ANKS1B: variants seen among roughly 807,000 people sequenced by gnomAD.
ANKS1B encodes the protein ankyrin repeat and sterile alpha motif domain containing 1B.
Under a neutral mutation model 148.3 loss-of-function variants are expected in ANKS1B, and 36 were observed. The observed-to-expected ratio is 0.24, with a 90% CI of 0.19 to 0.32. The LOEUF (loss-of-function observed/expected upper bound fraction) is 0.32, where lower values mean the gene tolerates loss of function less well. Among genes scored for constraint, ANKS1B ranks in the 10% least tolerant of loss-of-function variants. The pLI, the probability that ANKS1B is intolerant of heterozygous loss-of-function variation, is 1.00. For missense variants in ANKS1B, 1,157 were observed against 1,542.6 expected, an observed-to-expected ratio of 0.75 and a Z score of 4.19; for synonymous variants, 542 against 560.8, an observed-to-expected ratio of 0.97 and a Z score of 0.47.
intron 10 of ANKS1B, among the ~76,000 whole-genome samples, chr12:99,456,924 C>T (rs1439291208): frequency 1.3e-5 from 2 of 152,052 alleles, no homozygotes; most frequent in East Asian, 1.9e-4. Flanking sequence ...TCAAAAAACA[C>T]CTGGGAAATT....
chr12:99,305,280 G>A (rs2082191213), intron 12 of ANKS1B, among the ~76,000 whole-genome samples: 1 of 151,970 alleles, frequency 6.6e-6, no homozygotes, highest in Non-Finnish European at 1.5e-5. Flanking sequence ...GAGATTTGGA[G>A]GGGTCAAACA....
At chr12:98,901,585 T>C (rs556937519) in intron 17 of ANKS1B, among the ~76,000 whole-genome samples, 1 of 152,354 alleles carries the variant, frequency 6.6e-6, no homozygotes, top group Non-Finnish European at 1.5e-5. Flanking sequence ...TGTGGAACTT[T>C]ACCTCCCAAT....
chr12:99,299,092 A>C (rs1451921240), intron 12 of ANKS1B, among the ~76,000 whole-genome samples: 1 of 150,068 alleles, frequency 6.7e-6, no homozygotes, highest in East Asian at 2.0e-4. Context: ...ATAGGGTCTC[A>C]CTCTGTCACC....
chr12:99,102,380 G>A (rs1043154261), intron 15 of ANKS1B, among the ~76,000 whole-genome samples: 2 of 151,946 alleles, frequency 1.3e-5, no homozygotes, highest in Non-Finnish European at 1.5e-5. Context: ...AGCACAGCTG[G>A]AGAAGGAACA....
At chr12:99,536,362 T>C (rs2097066582) in intron 9 of ANKS1B, among the ~76,000 whole-genome samples, 1 of 152,162 alleles carries the variant, frequency 6.6e-6, no homozygotes, top group Non-Finnish European at 1.5e-5. Flanking sequence ...ACTTTCCTCT[T>C]AATTTTGCTA....
At chr12:99,729,791 T>G (rs1233916743) in intron 8 of ANKS1B, among the ~76,000 whole-genome samples, 1 of 152,248 alleles carries the variant, frequency 6.6e-6, no homozygotes, top group Non-Finnish European at 1.5e-5. Flanking sequence ...TTGTTATTAT[T>G]TGTTTTTTGT....
intron 8 of ANKS1B, among the ~76,000 whole-genome samples, chr12:99,731,211 C>T (rs1376979362): frequency 2.0e-5 from 3 of 152,188 alleles, no homozygotes; most frequent in African/African-American, 7.2e-5. Flanking sequence ...CTCCGCCTCC[C>T]AGGCTCAAGC....
At chr12:99,376,068 T>C (rs1190529385) in intron 12 of ANKS1B, among the ~76,000 whole-genome samples, 1 of 152,222 alleles carries the variant, frequency 6.6e-6, no homozygotes, top group Non-Finnish European at 1.5e-5. Context: ...GACGAATACA[T>C]GAATTATCAA....
intron 17 of ANKS1B, among the ~76,000 whole-genome samples, chr12:99,052,730 G>A (rs1227796706): frequency 7.9e-5 from 1 of 12,602 alleles, no homozygotes; most frequent in Admixed American, 1.8e-3. Flanking sequence ...GCGAGACTCC[G>A]TCTCAAAAAA....
In ANKS1B at chr12:99,213,797, T is replaced by A. The variant is rs553000577; in HGVS notation, c.2419+30545A>T. On this transcript the variant is annotated intron_variant, in intron 14 of 26. Coordinates refer to ENST00000683438, the MANE Select transcript of ANKS1B (RefSeq NM_001352186.2). The stretch of plus-strand genomic sequence containing the variant: ...ACCATTATTTGCCAAATAGCAGTCA[T>A]CATAGTTGTTTCTGCCTTCACCTGA... 4.6e-5 allele frequency among the ~76,000 whole-genome samples: 7 copies of A among 152,340 alleles called. No homozygotes were observed. In the East Asian group the frequency reaches 1.3e-3, roughly 29 times the overall value.
intron 10 of ANKS1B, among the ~76,000 whole-genome samples, chr12:99,483,517 G>T (rs1164456284): frequency 1.3e-5 from 2 of 151,912 alleles, no homozygotes. Context: ...TTCATAGAAT[G>T]ATTTAGGAAG....
intron 25 of ANKS1B, among the ~76,000 whole-genome samples, chr12:98,755,745 G>A (rs541043770): frequency 6.6e-6 from 1 of 152,278 alleles, no homozygotes; most frequent in Admixed American, 6.5e-5. Context: ...CACAGAGACA[G>A]AAAGTTACAG....
chr12:99,108,314 T>C (rs1345647988), intron 15 of ANKS1B, among the ~76,000 whole-genome samples: 1 of 152,240 alleles, frequency 6.6e-6, no homozygotes, highest in Non-Finnish European at 1.5e-5. Flanking sequence ...TCTGTCCAAC[T>C]AGACTATGTA....
intron 11 of ANKS1B, among the ~76,000 whole-genome samples, chr12:99,409,659 TTAAAA>T (rs1314089435): frequency 6.6e-6 from 1 of 150,692 alleles, no homozygotes; most frequent in East Asian, 1.9e-4. Flanking sequence ...AAACTAAAAA[TTAAAA>T]TAAAAAAGAG....
intron 9 of ANKS1B, among the ~76,000 whole-genome samples, chr12:99,587,687 C>A (rs568790709): frequency 1.3e-5 from 2 of 152,220 alleles, no homozygotes; most frequent in East Asian, 1.9e-4. Context: ...TGCCTCAATA[C>A]AATTTAGGGG....
At chr12:99,219,734 G>T (rs1240105359) in intron 14 of ANKS1B, among the ~76,000 whole-genome samples, 1 of 152,150 alleles carries the variant, frequency 6.6e-6, no homozygotes, top group East Asian at 1.9e-4. Context: ...AGTCCCAGGG[G>T]TGTGCTGGGA....
intron 8 of ANKS1B, among the ~76,000 whole-genome samples, chr12:99,756,291 A>T (rs961777078): frequency 1.3e-5 from 2 of 151,126 alleles, no homozygotes; most frequent in African/African-American, 4.8e-5. Flanking sequence ...CATTCCTACA[A>T]CAGGCAAGTG....
intron 9 of ANKS1B, among the ~76,000 whole-genome samples, chr12:99,543,375 T>C (rs941525189): frequency 2.0e-5 from 3 of 152,112 alleles, no homozygotes; most frequent in Non-Finnish European, 2.9e-5. Flanking sequence ...GCTGGTGGTA[T>C]TGTAAAATAG....
rs911785396 is a variant in ANKS1B, at chr12:98,802,150, T to C, written c.3142-1025A>G. Among the ~76,000 whole-genome samples the C allele has an allele frequency of 2.6e-5, 4 of 152,334 alleles. No homozygotes were observed. In the East Asian group the frequency reaches 7.7e-4, roughly 29 times the overall value. ...TAGAGTGACTCTCCTCTAACCTAGA[T>C]TTGGCTATATATAGAACTATGAGAA... On this transcript the variant is annotated intron_variant, in intron 20 of 26. Coordinates refer to ENST00000683438, the MANE Select transcript of ANKS1B (RefSeq NM_001352186.2).
Sources: allele counts gnomAD v4.1 joint callset (sites outside exome capture counted in the v4.1 genomes callset), GRCh38; gene constraint gnomAD v4.1.1; transcripts MANE v1.5; gene names NCBI Gene and HGNC (gene_info 2026-07-23, HGNC 2026-07-21).